Variants in ABI2 observed in about 807,000 individuals in gnomAD.
ABI2 encodes the protein abl interactor 2, also known as abelson interactor 2.
In ABI2, 25 loss-of-function variants were observed where a neutral mutation model predicts 59.2. The observed-to-expected ratio is 0.42, with a 90% CI of 0.31 to 0.59. ABI2 has a LOEUF of 0.59. ABI2 is among the 20% of genes least tolerant of loss of function. The pLI, the probability that ABI2 is intolerant of heterozygous loss-of-function variation, is 0.14. For synonymous variants in ABI2, 213 were observed against 235.5 expected (o/e 0.90, Z 0.87); for missense variants, 545 against 681.8 (o/e 0.80, Z 2.23).
In ABI2 at chr2:203,376,669, A is replaced by G. The variant is rs988750386; in HGVS notation, c.286-3539A>G. On this transcript the variant is annotated intron_variant, in intron 2 of 11. Coordinates refer to ENST00000261018, the MANE Select transcript of ABI2 (RefSeq NM_001375670.1). ...GGCTTAGTGCCAATTTTTTTGCTCT[A>G]TTATAACAATGACCCTTTATTTTAG... 8.8e-5 allele frequency among the ~76,000 whole-genome samples: 13 copies of G among 148,486 alleles called. No homozygotes were observed. In the South Asian group the frequency reaches 1.1e-3, roughly 12 times the overall value.
chr2:203,384,844 C>CT (rs1175707707), intron 4 of ABI2, among the ~76,000 whole-genome samples: 3 of 120,778 alleles, frequency 2.5e-5, no homozygotes, highest in South Asian at 2.6e-4. Flanking sequence ...TTCTTTTTTT[C>CT]TTTTTTTTGA....
At chr2:203,414,442 C>G (rs1470788) in intron 10 of ABI2, among the ~76,000 whole-genome samples, 1 of 151,848 alleles carries the variant, frequency 6.6e-6, no homozygotes, top group Non-Finnish European at 1.5e-5. Context: ...ATCAATGCCT[C>G]TGCCATCCTA....
At position 203,380,184 on chromosome 2, in the gene ABI2, TG is replaced by T. The variant is rs371242683; in HGVS notation, c.286-23del. On this transcript the variant is annotated intron_variant, in intron 2 of 11. Transcript: ENST00000261018. ...ATATTAGAACTATACATTTTTGTGT[TG>T]TTTTTTACATTATATTTTGCAGACA... 377 of 1,465,288 alleles carry T rather than the reference TG, an allele frequency of 2.6e-4. 3 individuals are homozygous for T. In the Middle Eastern group the frequency reaches 3.1e-3, roughly 12 times the overall value. 90.8% of individuals were successfully genotyped at this position (1,465,288 alleles called of 1,614,324 possible). A position where few individuals can be genotyped will look rare whatever the true frequency, so the allele number is the denominator to read the frequency against.
chr2:203,367,240 G>T, intron 2 of ABI2, 196 bp downstream of exon 2: 1 of 663,534 alleles, frequency 1.5e-6, no homozygotes, highest in Admixed American at 4.4e-5. Flanking sequence ...TGATAGGAAA[G>T]TAAATCGTAA....
intron 9 of ABI2, among the ~76,000 whole-genome samples, chr2:203,410,945 A>G (rs2097644047): frequency 6.6e-6 from 1 of 151,110 alleles, no homozygotes; most frequent in African/African-American, 2.4e-5. Context: ...ATGAAAAAAG[A>G]TCAATTATAT....
intron 10 of ABI2, among the ~76,000 whole-genome samples, chr2:203,413,836 CT>C (rs1159432251): frequency 6.6e-6 from 1 of 152,158 alleles, no homozygotes; most frequent in Non-Finnish European, 1.5e-5. Flanking sequence ...CAAATACTCA[CT>C]CTGCATTAAG....
chr2:203,351,893 TGATG>T (rs1430480235), intron 1 of ABI2, among the ~76,000 whole-genome samples: 1 of 152,172 alleles, frequency 6.6e-6, no homozygotes, highest in Non-Finnish European at 1.5e-5. Flanking sequence ...TTCTGGTCAA[TGATG>T]GACAGCATAT....
At chr2:203,377,232 T>G (rs1404559644) in intron 2 of ABI2, among the ~76,000 whole-genome samples, 1 of 152,194 alleles carries the variant, frequency 6.6e-6, no homozygotes, top group Non-Finnish European at 1.5e-5. Context: ...AGAGGATGCT[T>G]GAGCCTAGGA....
At chr2:203,343,923 A>G (rs1287523353) in intron 1 of ABI2, among the ~76,000 whole-genome samples, 1 of 151,302 alleles carries the variant, frequency 6.6e-6, no homozygotes, top group Admixed American at 6.6e-5. Context: ...TGAGCCCAGG[A>G]GTTTGAGACT....
At chr2:203,357,891 C>G (rs181302042) in intron 1 of ABI2, among the ~76,000 whole-genome samples, 35 of 152,046 alleles carry the variant, frequency 2.3e-4, no homozygotes, top group African/African-American at 8.0e-4. Flanking sequence ...GCCTCAGCCT[C>G]CCAAGTAGCT....
At chr2:203,415,783 G>A (rs1398131980) in intron 10 of ABI2, among the ~76,000 whole-genome samples, 1 of 152,098 alleles carries the variant, frequency 6.6e-6, no homozygotes, top group Non-Finnish European at 1.5e-5. Flanking sequence ...TGATAAACAG[G>A]TTTATTCATT....
At chr2:203,417,566 A>T (rs1261082819) in intron 11 of ABI2, among the ~76,000 whole-genome samples, 4 of 152,264 alleles carry the variant, frequency 2.6e-5, no homozygotes, top group Non-Finnish European at 5.9e-5. Flanking sequence ...ATTATGATGT[A>T]GCACTTTGGG....
chr2:203,396,402 GTC>G lies in ABI2; in HGVS notation c.851-381_851-380del, dbSNP rs1345912885. ...TTTTTAATCTGATAATATGGAATAT[GTC>G]TATTTTCTGATTTGTGTAATTCAAA... On this transcript the variant is annotated intron_variant, in intron 7 of 11. Transcript: ENST00000261018. Among the ~76,000 whole-genome samples the G allele has an allele frequency of 3.3e-5, 5 of 152,210 alleles. No individual in the cohort carries two copies. In the South Asian group the frequency reaches 1.0e-3, roughly 32 times the overall value.
chr2:203,416,979 C>T lies in ABI2; in HGVS notation c.1351C>T (p.Pro451Ser). The change falls in exon 11 of 12, where the codon CCT (proline) becomes TCT (serine). Residue 451 changes from proline to serine, a missense_variant. By Grantham distance (74) the Pro-to-Ser change is moderately conservative. Coordinates refer to ENST00000261018, the MANE Select transcript of ABI2 (RefSeq NM_001375670.1). The stretch of plus-strand genomic sequence containing the variant: ...TGATGAGTCTCCCCCACCTCCTCCT[C>T]CTCCAGAAGATTACGAAGAGGAGGA... ...VFDESPPPPP[P>S]PEDYEEEEAA... The T allele has an allele frequency of 6.2e-7, 1 of 1,614,150 alleles. No homozygotes were observed. The highest frequency in any genetic ancestry group is 8.5e-7 in the Non-Finnish European group (1 of 1,180,028).
intron 11 of ABI2, among the ~76,000 whole-genome samples, chr2:203,420,504 C>T (rs1222903046): frequency 6.6e-6 from 1 of 151,970 alleles, no homozygotes; most frequent in Non-Finnish European, 1.5e-5. Context: ...CGCCATTCTC[C>T]TGCCTCAGCC....
chr2:203,392,816 A>C (rs924269844), intron 5 of ABI2, among the ~76,000 whole-genome samples: 2 of 152,176 alleles, frequency 1.3e-5, no homozygotes. Context: ...AGATTTGCTC[A>C]TATACCAATG....
intron 1 of ABI2, among the ~76,000 whole-genome samples, chr2:203,333,168 A>T (rs1279119595): frequency 6.6e-6 from 1 of 152,198 alleles, no homozygotes; most frequent in Non-Finnish European, 1.5e-5. Context: ...ATTTAATAAA[A>T]ATCATTAGAA....
chr2:203,411,220 T>G lies in ABI2; in HGVS notation c.1193-65T>G. 3.3e-6 allele frequency: 4 copies of G among 1,206,344 alleles called. No individual in the cohort carries two copies. The South Asian group carries it at 3.7e-5, about 11-fold the overall frequency. 74.7% of individuals were successfully genotyped at this position (1,206,344 alleles called of 1,614,324 possible). On this transcript the variant is annotated intron_variant, in intron 9 of 11. Transcript: ENST00000261018. ...CCTTTATGTGTTTATTTTATTGTATTATCCTTTCCTTTTAATGTAACTCGC... is the reference window on the plus strand; with the variant it reads ...CCTTTATGTGTTTATTTTATTGTATGATCCTTTCCTTTTAATGTAACTCGC...
At chr2:203,346,523 C>G (rs948313523) in intron 1 of ABI2, among the ~76,000 whole-genome samples, 1 of 152,226 alleles carries the variant, frequency 6.6e-6, no homozygotes, top group African/African-American at 2.4e-5. Flanking sequence ...TTATCCATTA[C>G]TGGAGTTGCA....
Sources: gnomAD v4.1 joint callset for allele counts (sites outside exome capture counted in the v4.1 genomes callset) on GRCh38, gnomAD v4.1.1 for gene constraint, MANE v1.5 for transcripts, NCBI Gene and HGNC (gene_info 2026-07-23, HGNC 2026-07-21) for gene names.